Variants in WWP2 observed in about 807,000 individuals in gnomAD.
WWP2 encodes NEDD4-like E3 ubiquitin-protein ligase WWP2.
In WWP2, 57 loss-of-function variants were observed where a neutral mutation model predicts 121.0. The observed-to-expected ratio is 0.47, with a 90% confidence interval of 0.38 to 0.59. The LOEUF is 0.59. WWP2 is among the 20% of genes least tolerant of loss of function. The pLI is 0.00. For missense variants in WWP2, 962 were observed against 1,158.9 expected (o/e 0.83, Z 2.47); for synonymous variants, 449 against 441.3 (o/e 1.02, Z -0.22).
At chr16:69,810,180 T>C (rs2056361745) in intron 4 of WWP2, among the ~76,000 whole-genome samples, 1 of 152,230 alleles carries the variant, frequency 6.6e-6, no homozygotes, top group Non-Finnish European at 1.5e-5. Flanking sequence ...ACTTGGACAT[T>C]GGCTGGGAAA....
At chr16:69,886,673 T>C (rs1326181566) in intron 7 of WWP2, among the ~76,000 whole-genome samples, 1 of 152,146 alleles carries the variant, frequency 6.6e-6, no homozygotes, top group Admixed American at 6.5e-5. Flanking sequence ...GGCATGAGAA[T>C]TGCTTAAACC....
intron 2 of WWP2, among the ~76,000 whole-genome samples, chr16:69,797,371 A>T (rs1286253264): frequency 6.6e-6 from 1 of 152,174 alleles, no homozygotes; most frequent in Non-Finnish European, 1.5e-5. Context: ...GTGGAATCAG[A>T]CCGGCCGGGT....
chr16:69,780,933 C>T (rs527488053), intron 1 of WWP2, among the ~76,000 whole-genome samples: 4 of 152,230 alleles, frequency 2.6e-5, no homozygotes, highest in East Asian at 1.9e-4. Flanking sequence ...GAATCTGAGG[C>T]GGAAGGATCA....
chr16:69,916,159 C>G (rs1291892208), intron 9 of WWP2, among the ~76,000 whole-genome samples: 2 of 152,086 alleles, frequency 1.3e-5, no homozygotes, highest in African/African-American at 2.4e-5. Flanking sequence ...AGGATTTTGA[C>G]TCAAGGGCAA....
At chr16:69,909,649 C>G in intron 9 of WWP2, 1 of 985,352 alleles carries the variant, frequency 1.0e-6, no homozygotes. Context: ...ACTGTGTTTT[C>G]CACTTTGACT....
chr16:69,762,387 G>A lies in WWP2; in HGVS notation c.-20G>A, dbSNP rs1385653315. The A allele has an allele frequency of 6.6e-6, 1 of 150,770 alleles. No individual in the cohort carries two copies. Among genetic ancestry groups the A allele is most frequent in the Non-Finnish European group, 1.5e-5 (1 of 67,450 alleles). The allele number at this position is 150,770 out of a possible 1,614,324, so 9.3% of individuals were successfully genotyped here. A position where few individuals can be genotyped will look rare whatever the true frequency, so the allele number is the denominator to read the frequency against. On this transcript the variant is annotated 5_prime_UTR_variant, in exon 1 of 24. Coordinates refer to ENST00000359154, the MANE Select transcript of WWP2 (RefSeq NM_001270454.2). ...AGTTCGGCGCCGCTTCTGTGGCCAC[G>A]GCAGGTAGCGAGCGCTGGCGCGGGG...
intron 8 of WWP2, among the ~76,000 whole-genome samples, chr16:69,903,688 A>G (rs184471255): frequency 7.2e-5 from 11 of 151,992 alleles, no homozygotes; most frequent in African/African-American, 2.7e-4. Context: ...GAATCGGTTG[A>G]ACCCAGGAGG....
intron 4 of WWP2, among the ~76,000 whole-genome samples, chr16:69,817,705 C>T (rs1278211575): frequency 7.0e-6 from 1 of 143,768 alleles, no homozygotes; most frequent in East Asian, 2.0e-4. Context: ...GAGTCTCGCT[C>T]CGTCACACAG....
chr16:69,794,282 T>C (rs1597676611), intron 2 of WWP2, among the ~76,000 whole-genome samples: 1 of 152,124 alleles, frequency 6.6e-6, no homozygotes, highest in South Asian at 2.1e-4. Flanking sequence ...CCCAGTACTT[T>C]AGGAGGCTGA....
intron 6 of WWP2, among the ~76,000 whole-genome samples, chr16:69,861,393 C>T (rs752641599): frequency 3.3e-4 from 51 of 152,270 alleles, no homozygotes; most frequent in South Asian, 6.2e-4. Context: ...AATGAAATTG[C>T]CACCTTTGAG....
At chr16:69,886,228 C>T (rs1275280609) in intron 7 of WWP2, among the ~76,000 whole-genome samples, 1 of 152,140 alleles carries the variant, frequency 6.6e-6, no homozygotes, top group South Asian at 2.1e-4. Flanking sequence ...CACAGGTGGG[C>T]ACCACCATGC....
At chr16:69,853,701 C>T (rs952614012) in intron 6 of WWP2, among the ~76,000 whole-genome samples, 2 of 151,840 alleles carry the variant, frequency 1.3e-5, no homozygotes, top group African/African-American at 2.4e-5. Flanking sequence ...TGGGCAGTAG[C>T]GAATAGAGAG....
Position 69,937,043 on chromosome 16 carries a change from G to A in WWP2, c.2118-75G>A. 1.9e-6 allele frequency: 3 copies of A among 1,561,218 alleles called. No homozygotes were observed. Among genetic ancestry groups the A allele is most frequent in the Non-Finnish European group, 2.6e-6 (3 of 1,151,624 alleles). On this transcript the variant is annotated intron_variant, in intron 19 of 23. Coordinates refer to ENST00000359154, the MANE Select transcript of WWP2 (RefSeq NM_001270454.2). This position sits in a 1 kb window ranked among gnomAD's most constrained non-coding sequence, Gnocchi z 6.6. ...GATCTGGTGGTCCTGCGCGGTAACG[G>A]CCACGCGGCCTGGCCGGGAGCCACC...
chr16:69,791,028 T>A (rs1320024058), intron 2 of WWP2, among the ~76,000 whole-genome samples: 1 of 152,208 alleles, frequency 6.6e-6, no homozygotes, highest in Non-Finnish European at 1.5e-5. Context: ...TTGCCTTGCT[T>A]CTGCCCTTTT....
intron 4 of WWP2, among the ~76,000 whole-genome samples, chr16:69,812,512 T>C (rs1292095683): frequency 1.5e-5 from 2 of 132,324 alleles, no homozygotes; most frequent in Non-Finnish European, 1.6e-5. Flanking sequence ...AGAGTCTGGC[T>C]CTGTGGCCCA....
At chr16:69,894,242 A>ATT (rs34251036) in intron 8 of WWP2, among the ~76,000 whole-genome samples, 51 of 132,100 alleles carry the variant, frequency 3.9e-4, no homozygotes, top group Middle Eastern at 4.2e-3. Context: ...TACCCAGGCT[A>ATT]TTTTTTTTTT....
intron 1 of WWP2, among the ~76,000 whole-genome samples, chr16:69,763,483 G>A (rs1240225799): frequency 6.6e-6 from 1 of 152,206 alleles, no homozygotes; most frequent in Non-Finnish European, 1.5e-5. Flanking sequence ...GACATTCACA[G>A]CAGCCAGCAT....
intron 1 of WWP2, among the ~76,000 whole-genome samples, chr16:69,782,544 C>G (rs2055686341): frequency 6.6e-6 from 1 of 152,138 alleles, no homozygotes; most frequent in Non-Finnish European, 1.5e-5. Flanking sequence ...TGGAGAATTG[C>G]TATGGGATTT....
chr16:69,842,017 T>C lies in WWP2; in HGVS notation c.479-7T>C. ...TCTGTCTTTTCTTGTGATTGATTCC[T>C]TTCTAGGATCACAGCTGCCTTCGAG... On this transcript the variant is annotated splice_polypyrimidine_tract_variant and splice_region_variant and intron_variant, in intron 5 of 23. Transcript: ENST00000359154. 2 of 1,611,070 alleles carry C rather than the reference T, an allele frequency of 1.2e-6. No homozygotes were observed. Among genetic ancestry groups the C allele is most frequent in the Non-Finnish European group, 1.7e-6 (2 of 1,178,522 alleles).
Sources: gnomAD v4.1 joint callset for allele counts (sites outside exome capture counted in the v4.1 genomes callset) on GRCh38, gnomAD v4.1.1 for gene constraint, Gnocchi (gnomAD v3.1) non-coding constraint, MANE v1.5 for transcripts, NCBI Gene and HGNC (gene_info 2026-07-23, HGNC 2026-07-21) for gene names.